The following FAT2 variants were observed in gnomAD, a reference collection of about 807,000 sequenced individuals.
FAT2 encodes FAT atypical cadherin 2.
FAT2 carries 150 observed loss-of-function variants against 295.3 expected under a neutral mutation model. The ratio of observed to expected loss-of-function variants is 0.51; its 90% CI spans 0.44 to 0.58. The LOEUF is 0.58. Ranked by LOEUF, FAT2 falls within the 20% of genes least tolerant of loss-of-function variation. The pLI is 0.00. For missense variants in FAT2, 4,868 were observed against 5,442.7 expected (o/e 0.89, Z 3.32); for synonymous variants, 2,026 against 2,150.3 (o/e 0.94, Z 1.60).
At position 151,528,105 on chromosome 5, in the gene FAT2, AG is replaced by A. The variant is rs1289707732; in HGVS notation, c.10054del (p.Leu3352Ter). 60 of 1,614,124 alleles carry A rather than the reference AG, an allele frequency of 3.7e-5. No individual in the cohort carries two copies. The highest frequency in any genetic ancestry group is 5.0e-5 in the Non-Finnish European group (59 of 1,179,996). ...GAGGCTATAGGTAATGTCACTATTT[AG>A]GGGTCCATCTTCATCAGTCGCTGAT... ...TVSATDEDGP[L>X]NSDITYSLIG... On this transcript the variant is annotated frameshift_variant, in exon 16 of 24. Transcript: ENST00000261800. LOFTEE classifies it high-confidence loss of function.
chr5:151,565,701 G>A lies in FAT2; in HGVS notation c.3231C>T (p.Leu1077=), dbSNP rs80327841. ...LQYFLRAGTG[L]AAFSINQDTG... is the part of the protein sequence containing the mutation. The stretch of plus-strand genomic sequence containing the variant: ...TATCTTGGTTGATGCTGAAGGCTGC[G>A]AGTCCAGTGCCAGCACGCAGGAAGT... The change falls in exon 2 of 24, where the codon CTC becomes CTT. Residue 1077 remains leucine, a synonymous_variant. Transcript: ENST00000261800. 240 of 1,600,472 alleles carry A rather than the reference G, an allele frequency of 1.5e-4. 2 individuals carry two copies. In the African/African-American group the frequency reaches 2.9e-3, roughly 20 times the overall value.
At chr5:151,580,164 A>G (rs1196830479) in intron 1 of FAT2, among the ~76,000 whole-genome samples, 2 of 152,242 alleles carry the variant, frequency 1.3e-5, no homozygotes, top group Non-Finnish European at 2.9e-5. Context: ...GGCACTGGCC[A>G]TGCTGTTCCC....
At chr5:151,515,682 A>G (rs1243573833) in intron 20 of FAT2, among the ~76,000 whole-genome samples, 1 of 152,170 alleles carries the variant, frequency 6.6e-6, no homozygotes, top group Admixed American at 6.5e-5. Context: ...TTTGCCTTCA[A>G]AATCTTTGTA....
chr5:151,556,535 C>A (rs1422733219), intron 3 of FAT2, 133 bp from the exon 4 acceptor site: 4 of 644,118 alleles, frequency 6.2e-6, no homozygotes, highest in Non-Finnish European at 1.1e-5. Flanking sequence ...TAAAGACCAT[C>A]CCTGACTTAG....
At position 151,545,066 on chromosome 5, in the gene FAT2, A is replaced by G; in HGVS notation, c.6061T>C (p.Leu2021=). Residue 2021 remains leucine, a synonymous_variant, in exon 10 of 24, where the codon TTG becomes CTG. Transcript: ENST00000261800. ...MFHMVQSAGV[L]QTRGVAFDRE... is the part of the protein sequence containing the mutation. The stretch of plus-strand genomic sequence containing the variant: ...TCAAACGCCACACCTCTTGTCTGCA[A>G]CACACCTGCTGACTGGACCATATGA... The G allele has an allele frequency of 6.2e-7, 1 of 1,614,184 alleles. No individual in the cohort carries two copies. The highest frequency in any genetic ancestry group is 1.3e-5 in the African/African-American group (1 of 75,046).
chr5:151,506,210 A>T, intron 23 of FAT2, 113 bp from the exon 24 acceptor site: 1 of 1,146,078 alleles, frequency 8.7e-7, no homozygotes, highest in Non-Finnish European at 1.2e-6. Context: ...GTGGGTGGGC[A>T]TAGGCCCATC....
At chr5:151,588,996 C>T (rs963279688) in intron 1 of FAT2, among the ~76,000 whole-genome samples, 1 of 152,094 alleles carries the variant, frequency 6.6e-6, no homozygotes, top group Admixed American at 6.5e-5. Context: ...GGGAGTTGGA[C>T]CCACACTTTA....
chr5:151,580,601 A>G (rs918352389), intron 1 of FAT2, among the ~76,000 whole-genome samples: 9 of 152,112 alleles, frequency 5.9e-5, no homozygotes, highest in African/African-American at 1.7e-4. Flanking sequence ...GCGTGCTCGC[A>G]CACACACACA....
chr5:151,563,826 A>C (rs1244779642), intron 2 of FAT2, among the ~76,000 whole-genome samples, 187 bp from the exon 3 acceptor site: 8 of 152,346 alleles, frequency 5.3e-5, no homozygotes, highest in Non-Finnish European at 1.2e-4. Flanking sequence ...AGGGGAATTA[A>C]TATCCTTATT....
At chr5:151,571,331 C>T (rs1052770611) in intron 1 of FAT2, among the ~76,000 whole-genome samples, 4 of 151,994 alleles carry the variant, frequency 2.6e-5, no homozygotes, top group Non-Finnish European at 5.9e-5. Context: ...GAGTCCTCAC[C>T]CCAGTCCCAG....
intron 9 of FAT2, among the ~76,000 whole-genome samples, chr5:151,546,773 T>C (rs1756682189): frequency 6.6e-6 from 1 of 152,034 alleles, no homozygotes; most frequent in Non-Finnish European, 1.5e-5. Flanking sequence ...GGCTGGAATG[T>C]AGTGATGTGA....
chr5:151,543,625 A>G lies in FAT2; in HGVS notation c.7502T>C (p.Ile2501Thr). 1.2e-6 allele frequency: 2 copies of G among 1,614,168 alleles called. No homozygotes were observed. The highest frequency in any genetic ancestry group is 1.7e-6 in the Non-Finnish European group (2 of 1,180,022). Reference protein sequence around the residue: ...AENAMVGTKVIDLLAIDKDSG... With the variant: ...AENAMVGTKVTDLLAIDKDSG... ...ATCTTTGTCTATGGCTAGCAAATCA[A>G]TCACCTTGGTTCCAACCATTGCATT... Residue 2501 changes from isoleucine (I) to threonine (T), a missense_variant, in exon 10 of 24, where the codon ATT becomes ACT. Around this residue, in one of 5 missense-constraint regions of FAT2, gnomAD observed 3,297 missense variants for 3,669.4 expected, o/e 0.90. Coordinates refer to ENST00000261800, the MANE Select transcript of FAT2 (RefSeq NM_001447.3).
chr5:151,541,995 A>AT (rs1561847678), intron 10 of FAT2, among the ~76,000 whole-genome samples: 1 of 152,256 alleles, frequency 6.6e-6, no homozygotes. Context: ...AACTGACAGC[A>AT]GTTAGAGTAT....
At position 151,543,624 on chromosome 5, in the gene FAT2, A is replaced by G; in HGVS notation, c.7503T>C (p.Ile2501=). 6.2e-7 allele frequency: 1 copy of G among 1,614,182 alleles called. No homozygotes were observed. Among genetic ancestry groups the G allele is most frequent in the African/African-American group, 1.3e-5 (1 of 75,034 alleles). The stretch of plus-strand genomic sequence containing the variant: ...TATCTTTGTCTATGGCTAGCAAATC[A>G]ATCACCTTGGTTCCAACCATTGCAT... ...AENAMVGTKV[I]DLLAIDKDSG... The change falls in exon 10 of 24, where the codon ATT becomes ATC. Residue 2501 remains isoleucine (I), a synonymous_variant. Coordinates refer to ENST00000261800, the MANE Select transcript of FAT2 (RefSeq NM_001447.3).
intron 1 of FAT2, among the ~76,000 whole-genome samples, chr5:151,581,377 A>C (rs906763392): frequency 3.9e-5 from 6 of 152,182 alleles, no homozygotes; most frequent in African/African-American, 1.4e-4. Context: ...CGGAGGGCCA[A>C]GCAGGGGGCC....
Position 151,505,672 on chromosome 5 carries a change from C to G in FAT2, c.12943G>C (p.Glu4315Gln), listed in dbSNP as rs1760781811. The change falls in exon 24 of 24, where the codon GAG (glutamate) becomes CAG (glutamine). Residue 4315 changes from glutamate (E) to glutamine (Q), a missense_variant. Glu to Gln is a conservative substitution (Grantham distance 29). Transcript: ENST00000261800. ...AGPSYAVCEV[E>Q]GAPLAGQGQP... ...CCCTGGCCTGCAAGAGGTGCCCCCTCCACCTCACAGACAGCATAAGAGGGC... is the reference window on the plus strand; with the variant it reads ...CCCTGGCCTGCAAGAGGTGCCCCCTGCACCTCACAGACAGCATAAGAGGGC... 3.1e-6 allele frequency: 5 copies of G among 1,613,848 alleles called. No individual in the cohort carries two copies. In the South Asian group the frequency reaches 5.5e-5, roughly 18 times the overall value.
chr5:151,539,650 A>G (rs1435535187), intron 11 of FAT2, among the ~76,000 whole-genome samples: 1 of 152,200 alleles, frequency 6.6e-6, no homozygotes, highest in Non-Finnish European at 1.5e-5. Flanking sequence ...TTAGCAGTTT[A>G]ACTTTATCTA....
chr5:151,576,935 C>T (rs1758770824), intron 1 of FAT2, among the ~76,000 whole-genome samples: 1 of 152,158 alleles, frequency 6.6e-6, no homozygotes, highest in Non-Finnish European at 1.5e-5. Flanking sequence ...CGGTATCCTA[C>T]TCTACTGAAT....
At chr5:151,585,533 A>G (rs58395047) in intron 1 of FAT2, among the ~76,000 whole-genome samples, 3,434 of 152,328 alleles carry the variant, frequency 0.023, 70 homozygotes, top group East Asian at 0.053. Context: ...AATCACTTGA[A>G]TCCGGGAAGT....
Sources: allele counts gnomAD v4.1 joint callset (sites outside exome capture counted in the v4.1 genomes callset), GRCh38; gene constraint gnomAD v4.1.1; regional missense constraint gnomAD v4.1.1; transcripts MANE v1.5; gene names NCBI Gene and HGNC (gene_info 2026-07-23, HGNC 2026-07-21).